The following RNF217 variants were observed in gnomAD, a reference collection of about 807,000 sequenced individuals.
RNF217 encodes E3 ubiquitin-protein ligase RNF217.
In RNF217, 31 loss-of-function variants were observed where a neutral mutation model predicts 57.8. The observed-to-expected ratio is 0.54, with a 90% CI of 0.40 to 0.72. RNF217 has a LOEUF of 0.72. RNF217 is among the 30% of genes least tolerant of loss of function. The probability of loss-of-function intolerance (pLI) is 0.00; values close to 1 mark genes in which losing one functional copy is unlikely to be tolerated. For missense variants in RNF217, 696 were observed against 708.3 expected, an observed-to-expected ratio of 0.98 and a Z score of 0.20; for synonymous variants, 313 against 294.0, an observed-to-expected ratio of 1.06 and a Z score of -0.66.
chr6:125,067,991 C>T (rs954164341), intron 3 of RNF217, among the ~76,000 whole-genome samples: 4 of 152,088 alleles, frequency 2.6e-5, no homozygotes, highest in Non-Finnish European at 4.4e-5. Flanking sequence ...GATTAAGTGA[C>T]ACAGAGCTAC....
At chr6:124,978,358 C>T (rs1784042447) in intron 1 of RNF217, among the ~76,000 whole-genome samples, 1 of 151,626 alleles carries the variant, frequency 6.6e-6, no homozygotes, top group African/African-American at 2.4e-5. Flanking sequence ...AGATCCTGTG[C>T]CCACCGTGGC....
intron 1 of RNF217, among the ~76,000 whole-genome samples, chr6:125,024,005 C>T (rs1270249676): frequency 6.6e-6 from 1 of 152,084 alleles, no homozygotes; most frequent in Non-Finnish European, 1.5e-5. Context: ...ACCTATTGTA[C>T]AGTATGGTGA....
intron 2 of RNF217, chr6:125,048,192 G>A (rs189117854): frequency 1.9e-5 from 25 of 1,350,208 alleles, no homozygotes; most frequent in African/African-American, 4.4e-5. Context: ...CCAACCAATC[G>A]TGAGATTCAT....
chr6:124,997,966 A>C lies in RNF217; in HGVS notation c.882+34540A>C, dbSNP rs72613293. ...CCAAAATTTCCATGTTGAATCCTGA[A>C]TGTCTGCCTGACTCCGGCATTCCTT... is the stretch of plus-strand genomic sequence containing the variant. On this transcript the variant is annotated intron_variant, in intron 1 of 5. Transcript: ENST00000521654. Among the ~76,000 whole-genome samples, 797 of 152,196 alleles carry C rather than the reference A, an allele frequency of 5.2e-3. 21 individuals are homozygous for C. Among genetic ancestry groups the C allele is most frequent in the Admixed American group, 0.037 (569 of 15,290 alleles).
At chr6:125,051,942 G>C (rs1293275504) in intron 2 of RNF217, among the ~76,000 whole-genome samples, 2 of 152,050 alleles carry the variant, frequency 1.3e-5, no homozygotes, top group Admixed American at 1.3e-4. Context: ...AATAGACCCA[G>C]ACAAATGCTT....
At chr6:125,013,368 T>A (rs914011551) in intron 1 of RNF217, among the ~76,000 whole-genome samples, 8 of 151,312 alleles carry the variant, frequency 5.3e-5, no homozygotes, top group Non-Finnish European at 1.0e-4. Context: ...TGTGTGTGTG[T>A]GTGTGTGTGT....
intron 1 of RNF217, among the ~76,000 whole-genome samples, chr6:124,967,659 C>A (rs1783596085): frequency 6.6e-6 from 1 of 152,174 alleles, no homozygotes; most frequent in African/African-American, 2.4e-5. Flanking sequence ...ATGATAAAGT[C>A]CTAAAATGAC....
intron 2 of RNF217, among the ~76,000 whole-genome samples, chr6:125,047,223 A>G (rs1562484629): frequency 6.6e-6 from 1 of 152,100 alleles, no homozygotes; most frequent in African/African-American, 2.4e-5. Flanking sequence ...TAATTAAAAC[A>G]TGTACAAAAT....
At chr6:125,068,227 A>G (rs571499309) in intron 3 of RNF217, among the ~76,000 whole-genome samples, 36 of 152,130 alleles carry the variant, frequency 2.4e-4, no homozygotes, top group Admixed American at 7.2e-4. Flanking sequence ...ATAATTAAAG[A>G]GTTTTAAAAT....
intron 1 of RNF217, among the ~76,000 whole-genome samples, chr6:124,995,782 C>T (rs1359411842): frequency 4.0e-5 from 6 of 151,858 alleles, no homozygotes; most frequent in East Asian, 1.9e-4. Flanking sequence ...ATTAGCTGGG[C>T]GTGGTGATGG....
intron 2 of RNF217, among the ~76,000 whole-genome samples, chr6:125,052,951 C>T (rs116290201): frequency 9.9e-4 from 150 of 152,176 alleles, no homozygotes; most frequent in African/African-American, 3.5e-3. Flanking sequence ...TTATTGTACA[C>T]TTAGCAAGGA....
chr6:125,057,445 G>A (rs1042692632), intron 2 of RNF217, among the ~76,000 whole-genome samples: 1 of 152,120 alleles, frequency 6.6e-6, no homozygotes, highest in South Asian at 2.1e-4. Flanking sequence ...GCCTCCCAAA[G>A]TGCTAGGATT....
At chr6:125,063,828 A>C (rs2114605183) in intron 3 of RNF217, among the ~76,000 whole-genome samples, 1 of 152,292 alleles carries the variant, frequency 6.6e-6, no homozygotes, top group South Asian at 2.1e-4. Context: ...GCAGAAAAAA[A>C]GTGAATTGTA....
intron 1 of RNF217, among the ~76,000 whole-genome samples, chr6:125,000,632 T>C (rs1044348060): frequency 2.0e-5 from 3 of 152,208 alleles, no homozygotes; most frequent in Non-Finnish European, 4.4e-5. Flanking sequence ...ACATTTCAGA[T>C]TTGTATGCAT....
intron 4 of RNF217, 57 bp from the exon 5 acceptor site, chr6:125,081,379 A>T: frequency 1.5e-6 from 2 of 1,309,436 alleles, no homozygotes; most frequent in Non-Finnish European, 2.2e-6. Context: ...CATCACTGTA[A>T]TTATTTGGTA....
At chr6:125,014,036 T>C (rs1052926832) in intron 1 of RNF217, among the ~76,000 whole-genome samples, 2 of 152,250 alleles carry the variant, frequency 1.3e-5, no homozygotes, top group African/African-American at 4.8e-5. Context: ...CCTGTTGTTC[T>C]CTGAATGGGA....
At chr6:125,043,436 C>T (rs1786964573) in intron 1 of RNF217, among the ~76,000 whole-genome samples, 1 of 152,038 alleles carries the variant, frequency 6.6e-6, no homozygotes, top group African/African-American at 2.4e-5. Context: ...AACCTGTACT[C>T]ACCATTTTGC....
chr6:125,053,206 T>C (rs534188217), intron 2 of RNF217, among the ~76,000 whole-genome samples: 4 of 152,280 alleles, frequency 2.6e-5, no homozygotes, highest in Admixed American at 2.0e-4. Flanking sequence ...TGTCCCAGCT[T>C]CTATTCTGGC....
At chr6:125,066,495 C>G (rs1787942672) in intron 3 of RNF217, among the ~76,000 whole-genome samples, 1 of 152,120 alleles carries the variant, frequency 6.6e-6, no homozygotes, top group Non-Finnish European at 1.5e-5. Context: ...TGCCTTGTCC[C>G]TCTGTCTGGA....
Sources: allele counts gnomAD v4.1 joint callset (sites outside exome capture counted in the v4.1 genomes callset), GRCh38; gene constraint gnomAD v4.1.1; transcripts MANE v1.5; gene names NCBI Gene and HGNC (gene_info 2026-07-23, HGNC 2026-07-21).